PTPRM: variants seen among roughly 807,000 people sequenced by gnomAD.
The protein encoded by PTPRM is protein tyrosine phosphatase receptor type M.
A neutral mutation model predicts 186.7 loss-of-function variants in PTPRM; 47 were observed. The ratio of observed to expected loss-of-function variants is 0.25; its 90% CI spans 0.20 to 0.32. The LOEUF (loss-of-function observed/expected upper bound fraction) is 0.32. Ranked by LOEUF, PTPRM falls within the 10% of genes least tolerant of loss-of-function variation. The probability of loss-of-function intolerance (pLI) is 1.00; values close to 1 mark genes in which losing one functional copy is unlikely to be tolerated. For missense variants in PTPRM, 1,494 were observed against 1,865.0 expected, an observed-to-expected ratio of 0.80 and a Z score of 3.66; for synonymous variants, 668 against 674.9, an observed-to-expected ratio of 0.99 and a Z score of 0.16.
intron 2 of PTPRM, among the ~76,000 whole-genome samples, chr18:7,821,095 T>G (rs2145607753): frequency 6.6e-6 from 1 of 152,208 alleles, no homozygotes; most frequent in African/African-American, 2.4e-5. Context: ...CTAGGAATGG[T>G]CTCAGTGTTA....
intron 14 of PTPRM, among the ~76,000 whole-genome samples, chr18:8,198,293 G>C (rs181368906): frequency 1.3e-5 from 2 of 152,148 alleles, no homozygotes; most frequent in East Asian, 3.9e-4. Flanking sequence ...ACCTACAGAC[G>C]TGTACCACTA....
intron 7 of PTPRM, among the ~76,000 whole-genome samples, chr18:7,998,082 T>A (rs2083648679): frequency 6.6e-6 from 1 of 152,166 alleles, no homozygotes; most frequent in Non-Finnish European, 1.5e-5. Context: ...AGATTTGCAC[T>A]CTCATATTTA....
intron 11 of PTPRM, among the ~76,000 whole-genome samples, chr18:8,097,688 C>T (rs2091078802): frequency 6.6e-6 from 1 of 152,112 alleles, no homozygotes; most frequent in Admixed American, 6.6e-5. Context: ...GAGTGTCTTA[C>T]TGAGAATGTG....
intron 2 of PTPRM, among the ~76,000 whole-genome samples, chr18:7,796,302 G>A (rs780969270): frequency 1.3e-5 from 2 of 152,110 alleles, no homozygotes; most frequent in African/African-American, 4.8e-5. Flanking sequence ...CCAGGCTGCA[G>A]ATCACAGTAC....
At chr18:7,588,674 A>T (rs2037044959) in intron 1 of PTPRM, among the ~76,000 whole-genome samples, 1 of 152,222 alleles carries the variant, frequency 6.6e-6, no homozygotes, top group Non-Finnish European at 1.5e-5. Flanking sequence ...GTTAATGATT[A>T]TATTTGGAAA....
chr18:8,098,545 C>T (rs2091123932), intron 11 of PTPRM, among the ~76,000 whole-genome samples: 1 of 152,056 alleles, frequency 6.6e-6, no homozygotes, highest in African/African-American at 2.4e-5. Flanking sequence ...AGTTAAATAT[C>T]ATGAACCTTC....
intron 4 of PTPRM, among the ~76,000 whole-genome samples, chr18:7,922,472 T>C (rs1037162898): frequency 6.6e-6 from 1 of 152,218 alleles, no homozygotes; most frequent in Non-Finnish European, 1.5e-5. Context: ...GTTTACCCAC[T>C]TTGACCTCAT....
chr18:7,940,259 A>C (rs574149842), intron 5 of PTPRM, among the ~76,000 whole-genome samples: 1 of 152,294 alleles, frequency 6.6e-6, no homozygotes, highest in South Asian at 2.1e-4. Flanking sequence ...TTTATATGTT[A>C]AAGTTAGAGC....
At chr18:8,319,570 C>A (rs1048662271) in intron 22 of PTPRM, among the ~76,000 whole-genome samples, 1 of 152,200 alleles carries the variant, frequency 6.6e-6, no homozygotes, top group African/African-American at 2.4e-5. Context: ...GAGAGCTAGG[C>A]TGAATCCAGC....
At chr18:8,149,288 G>A (rs2092951082) in intron 14 of PTPRM, among the ~76,000 whole-genome samples, 1 of 152,180 alleles carries the variant, frequency 6.6e-6, no homozygotes, top group South Asian at 2.1e-4. Flanking sequence ...GGGAATCTAA[G>A]TCTCTTTGTA....
intron 7 of PTPRM, among the ~76,000 whole-genome samples, chr18:8,049,922 A>C (rs1348325665): frequency 1.3e-5 from 2 of 152,122 alleles, no homozygotes; most frequent in Non-Finnish European, 2.9e-5. Context: ...TATGTTGGCC[A>C]GACTGGTCTC....
At chr18:7,886,327 GAA>G (rs1456748594) in intron 2 of PTPRM, among the ~76,000 whole-genome samples, 5 of 152,140 alleles carry the variant, frequency 3.3e-5, no homozygotes, top group Non-Finnish European at 7.3e-5. Context: ...TAACTAACCT[GAA>G]TTATTTCAAT....
intron 11 of PTPRM, among the ~76,000 whole-genome samples, chr18:8,107,302 A>G (rs2091565361): frequency 6.6e-6 from 1 of 152,206 alleles, no homozygotes; most frequent in African/African-American, 2.4e-5. Context: ...TGTTGTGAAG[A>G]TTAATGATAG....
At chr18:7,651,688 T>G (rs1004072015) in intron 1 of PTPRM, among the ~76,000 whole-genome samples, 7 of 152,094 alleles carry the variant, frequency 4.6e-5, no homozygotes, top group Non-Finnish European at 1.0e-4. Flanking sequence ...CTGGGAAAAC[T>G]GGCTAGCCAT....
chr18:7,808,774 T>C (rs1176897895), intron 2 of PTPRM, among the ~76,000 whole-genome samples: 1 of 152,186 alleles, frequency 6.6e-6, no homozygotes, highest in African/African-American at 2.4e-5. Context: ...GACAAATGTG[T>C]TAGAATAGAG....
At chr18:8,345,648 T>C (rs1314976726) in intron 23 of PTPRM, among the ~76,000 whole-genome samples, 1 of 151,172 alleles carries the variant, frequency 6.6e-6, no homozygotes, top group Non-Finnish European at 1.5e-5. Flanking sequence ...GTTAAAAATA[T>C]ATAACATTTT....
At chr18:8,022,602 T>C (rs1568200886) in intron 7 of PTPRM, among the ~76,000 whole-genome samples, 2 of 152,134 alleles carry the variant, frequency 1.3e-5, no homozygotes, top group Non-Finnish European at 2.9e-5. Flanking sequence ...TATTAAATCA[T>C]GCATATGGTT....
chr18:8,026,751 G>T (rs1382752508), intron 7 of PTPRM, among the ~76,000 whole-genome samples: 1 of 151,998 alleles, frequency 6.6e-6, no homozygotes, highest in Admixed American at 6.5e-5. Context: ...CCAGCTACTC[G>T]GGAGGCTGAG....
intron 11 of PTPRM, among the ~76,000 whole-genome samples, chr18:8,095,604 G>A (rs2090977856): frequency 6.6e-6 from 1 of 152,104 alleles, no homozygotes; most frequent in Non-Finnish European, 1.5e-5. Context: ...GGATGGGTTA[G>A]AGGGCGTGCG....
Sources: gnomAD v4.1 joint callset for allele counts (sites outside exome capture counted in the v4.1 genomes callset) on GRCh38, gnomAD v4.1.1 for gene constraint, MANE v1.5 for transcripts, NCBI Gene and HGNC (gene_info 2026-07-23, HGNC 2026-07-21) for gene names.